Variants in KCNQ5 observed in about 807,000 individuals in gnomAD.
KCNQ5 encodes potassium voltage-gated channel subfamily KQT member 5.
In KCNQ5, 30 loss-of-function variants were observed where a neutral mutation model predicts 98.2. The ratio of observed to expected loss-of-function variants is 0.31; its 90% CI spans 0.23 to 0.41. The LOEUF (loss-of-function observed/expected upper bound fraction) is 0.41, where lower values mean the gene tolerates loss of function less well. Ranked by LOEUF, KCNQ5 falls within the 10% of genes least tolerant of loss-of-function variation. KCNQ5 has a pLI of 1.00. For missense variants in KCNQ5, 835 were observed against 1,182.5 expected, an observed-to-expected ratio of 0.71 and a Z score of 4.31; for synonymous variants, 458 against 449.4, an observed-to-expected ratio of 1.02 and a Z score of -0.24.
intron 1 of KCNQ5, among the ~76,000 whole-genome samples, chr6:72,692,534 T>A (rs1366707953): frequency 6.6e-6 from 1 of 152,230 alleles, no homozygotes; most frequent in African/African-American, 2.4e-5. Flanking sequence ...GTGGGTTTTT[T>A]AATATGAGAC....
Position 72,622,600 on chromosome 6 carries a change from GC to G in KCNQ5, c.398+18del. 6.2e-7 allele frequency: 1 copy of G among 1,611,606 alleles called. No individual in the cohort carries two copies. The highest frequency in any genetic ancestry group is 1.3e-5 in the African/African-American group (1 of 74,908). On this transcript the variant is annotated intron_variant, in intron 1 of 13. Transcript: ENST00000370398. This position sits in a 1 kb window ranked among gnomAD's most constrained non-coding sequence, Gnocchi z 6.0. Reference sequence around the variant, plus strand: ...ACCACGCTTTCGTGTGAGTACCCGCGCCCCCTGCTATGCCCGCTGCAGGGGA... The same window carrying G: ...ACCACGCTTTCGTGTGAGTACCCGCGCCCCTGCTATGCCCGCTGCAGGGGA...
intron 1 of KCNQ5, among the ~76,000 whole-genome samples, chr6:72,815,118 G>C (rs891613416): frequency 3.3e-5 from 5 of 151,990 alleles, no homozygotes; most frequent in African/African-American, 1.2e-4. Flanking sequence ...TAGTGCTTGG[G>C]GTTTTAGAAG....
chr6:72,852,646 T>A (rs1460149984), intron 1 of KCNQ5, among the ~76,000 whole-genome samples: 8 of 124,266 alleles, frequency 6.4e-5, no homozygotes, highest in African/African-American at 2.6e-4. Flanking sequence ...GGGAAATATA[T>A]ATATATATAT....
chr6:72,958,364 A>T (rs966677080), intron 1 of KCNQ5, among the ~76,000 whole-genome samples: 2 of 152,212 alleles, frequency 1.3e-5, no homozygotes, highest in African/African-American at 4.8e-5. Flanking sequence ...GTTGTGTTCA[A>T]TTTATAAACA....
intron 1 of KCNQ5, among the ~76,000 whole-genome samples, chr6:72,655,059 T>TCTTC (rs1766100140): frequency 6.7e-6 from 1 of 150,272 alleles, no homozygotes; most frequent in Non-Finnish European, 1.5e-5. Context: ...TTTCTTTCTT[T>TCTTC]CTTTCTTTCT....
chr6:73,107,142 C>T (rs899152039), intron 6 of KCNQ5, among the ~76,000 whole-genome samples: 3 of 152,096 alleles, frequency 2.0e-5, no homozygotes, highest in African/African-American at 7.2e-5. Context: ...ATAATTGCAG[C>T]TTTTGTGTTT....
intron 1 of KCNQ5, among the ~76,000 whole-genome samples, chr6:72,789,765 G>C (rs531563518): frequency 1.1e-4 from 16 of 152,250 alleles, no homozygotes; most frequent in Non-Finnish European, 1.5e-5. Context: ...GCAAAGTCAG[G>C]AAAGGAACTC....
rs771944277 is a variant in KCNQ5, at chr6:73,028,877, A to G, written c.490-13059A>G. ...CAAATCAAGTGTCGTGTTGCCAGGT[A>G]GGAATAAGTCTACAACCAAATAAAG... is the stretch of plus-strand genomic sequence containing the variant. On this transcript the variant is annotated intron_variant, in intron 2 of 13. Transcript: ENST00000370398. 1.6e-4 allele frequency among the ~76,000 whole-genome samples: 25 copies of G among 152,356 alleles called. 1 individual carries two copies. Among genetic ancestry groups the G allele is most frequent in the South Asian group, 8.3e-4 (4 of 4,826 alleles).
chr6:72,707,598 C>A (rs1478142111), intron 1 of KCNQ5, among the ~76,000 whole-genome samples: 1 of 152,072 alleles, frequency 6.6e-6, no homozygotes, highest in Non-Finnish European at 1.5e-5. Flanking sequence ...TTTCATGATC[C>A]TTGAATCTCC....
At chr6:73,135,964 A>C (rs1776452476) in intron 10 of KCNQ5, 1 of 152,198 alleles carries the variant, frequency 6.6e-6, no homozygotes, top group Admixed American at 6.5e-5. Context: ...TAATAACCTC[A>C]TTTTAATTTA....
chr6:73,095,430 G>T (rs148267206), intron 5 of KCNQ5, among the ~76,000 whole-genome samples: 3 of 152,250 alleles, frequency 2.0e-5, no homozygotes, highest in Admixed American at 2.0e-4. Flanking sequence ...AGGCAAATCA[G>T]GGATTTCTTC....
At chr6:72,726,832 A>T (rs537051039) in intron 1 of KCNQ5, among the ~76,000 whole-genome samples, 3 of 152,280 alleles carry the variant, frequency 2.0e-5, no homozygotes, top group East Asian at 3.9e-4. Context: ...AGTTCTAATG[A>T]TTTTTTAATT....
At chr6:72,843,673 AC>A (rs1776899989) in intron 1 of KCNQ5, among the ~76,000 whole-genome samples, 2 of 152,276 alleles carry the variant, frequency 1.3e-5, no homozygotes, top group African/African-American at 4.8e-5. Context: ...ATACCATTTG[AC>A]CCAGCAATCC....
chr6:72,835,199 C>T (rs924558774), intron 1 of KCNQ5, among the ~76,000 whole-genome samples: 2 of 151,944 alleles, frequency 1.3e-5, no homozygotes, highest in African/African-American at 4.8e-5. Flanking sequence ...GGCTATTGCT[C>T]GTATATTAAA....
intron 1 of KCNQ5, among the ~76,000 whole-genome samples, chr6:72,950,796 C>A (rs1766767045): frequency 1.3e-5 from 2 of 152,106 alleles, no homozygotes; most frequent in South Asian, 4.1e-4. Context: ...TGGAGGATGG[C>A]CATATCATGG....
intron 1 of KCNQ5, among the ~76,000 whole-genome samples, chr6:72,832,321 G>A (rs768036277): frequency 2.0e-5 from 3 of 152,110 alleles, no homozygotes; most frequent in Non-Finnish European, 2.9e-5. Context: ...TTTTAATGAT[G>A]AGCCCTAGCT....
At chr6:72,851,137 G>A (rs938439927) in intron 1 of KCNQ5, among the ~76,000 whole-genome samples, 5 of 152,108 alleles carry the variant, frequency 3.3e-5, no homozygotes, top group Admixed American at 2.0e-4. Context: ...ATTAAGGATG[G>A]TATTGTTATA....
intron 1 of KCNQ5, among the ~76,000 whole-genome samples, chr6:72,748,701 G>A (rs1771527133): frequency 6.6e-6 from 1 of 152,122 alleles, no homozygotes; most frequent in Admixed American, 6.6e-5. Flanking sequence ...TGTTCCTAAA[G>A]AGAATTTAAA....
chr6:73,014,025 C>T (rs1048347143), intron 2 of KCNQ5, among the ~76,000 whole-genome samples: 1 of 152,178 alleles, frequency 6.6e-6, no homozygotes, highest in South Asian at 2.1e-4. Context: ...CATCTTCTAG[C>T]CCCAGTTCAC....
Sources: gnomAD v4.1 joint callset for allele counts (sites outside exome capture counted in the v4.1 genomes callset) on GRCh38, gnomAD v4.1.1 for gene constraint, Gnocchi (gnomAD v3.1) non-coding constraint, MANE v1.5 for transcripts, NCBI Gene and HGNC (gene_info 2026-07-23, HGNC 2026-07-21) for gene names.